RSRP1: variants seen among roughly 807,000 people sequenced by gnomAD.
The protein encoded by RSRP1 is arginine/serine-rich protein 1.
RSRP1 carries 37 observed loss-of-function variants against 33.0 expected under a neutral mutation model. The ratio of observed to expected loss-of-function variants is 1.12; its 90% CI spans 0.86 to 1.48. The LOEUF (loss-of-function observed/expected upper bound fraction) is 1.48. RSRP1 is among the 40% of genes most tolerant of loss of function. The pLI is 0.00. For synonymous variants in RSRP1, 167 were observed against 158.7 expected (o/e 1.05, Z -0.40); for missense variants, 402 against 385.3 (o/e 1.04, Z -0.36).
intron 1 of RSRP1, among the ~76,000 whole-genome samples, chr1:25,279,988 G>A (rs986260128): frequency 2.3e-5 from 3 of 129,244 alleles, no homozygotes; most frequent in African/African-American, 8.1e-5. Flanking sequence ...GCCCTGAAGC[G>A]GGAGCCCAGA....
In RSRP1 at chr1:25,291,245, G is replaced by A. The variant is rs1256418772; in HGVS notation, c.-66-44216C>T. ...GCACTTTGGGAGGCCAAGGAGGGCA[G>A]ATCACCTGAGGTCAGGAGTTCAAGA... On this transcript the variant is annotated intron_variant, in intron 1 of 1. Coordinates refer to the RSRP1 transcript ENST00000561867. 5.3e-5 allele frequency among the ~76,000 whole-genome samples: 7 copies of A among 130,922 alleles called. 2 individuals are homozygous for A. Among genetic ancestry groups the A allele is most frequent in the Admixed American group, 7.4e-5 (1 of 13,488 alleles). The allele number at this position is 130,922 out of a possible 152,430, so 85.9% of individuals were successfully genotyped here.
chr1:25,331,525 G>A (rs1403802836), intron 1 of RSRP1, among the ~76,000 whole-genome samples: 1 of 126,914 alleles, frequency 7.9e-6, no homozygotes, highest in East Asian at 2.0e-4. Flanking sequence ...CGTTTATCCA[G>A]ATTTAGTATC....
intron 1 of RSRP1, chr1:25,301,394 C>T: frequency 1.1e-6 from 1 of 925,902 alleles, no homozygotes; most frequent in Non-Finnish European, 1.7e-6. Context: ...GACGTGACTT[C>T]CCCATCTAAC....
chr1:25,298,848 G>A (rs1371085725), intron 1 of RSRP1, among the ~76,000 whole-genome samples: 3 of 129,884 alleles, frequency 2.3e-5, no homozygotes. Flanking sequence ...AGATAAAAAT[G>A]AAATGGAGAA....
chr1:25,273,849 G>A (rs1194231994), intron 1 of RSRP1, among the ~76,000 whole-genome samples: 3 of 129,154 alleles, frequency 2.3e-5, no homozygotes, highest in African/African-American at 7.9e-5. Flanking sequence ...TGATATGAAC[G>A]GCTAGTTAAC....
In RSRP1 at chr1:25,270,485, G is replaced by A. The variant is rs533344579; in HGVS notation, c.-66-23456C>T. Among the ~76,000 whole-genome samples the A allele has an allele frequency of 3.8e-5, 5 of 131,406 alleles. 2 individuals are homozygous for A. The highest frequency in any genetic ancestry group is 7.4e-5 in the Admixed American group (1 of 13,558). 86.2% of individuals were successfully genotyped at this position (131,406 alleles called of 152,430 possible). A position where few individuals can be genotyped will look rare whatever the true frequency, so the allele number is the denominator to read the frequency against. On this transcript the variant is annotated intron_variant, in intron 1 of 1. Coordinates refer to the RSRP1 transcript ENST00000561867. ...CGCGCATGAGAGGGATCTAGGTTGC[G>A]TGCTCCTTAGGAGAATCTAACTAAT...
chr1:25,244,438 C>A (rs1315918407), intron 3 of RSRP1: 8 of 1,289,256 alleles, frequency 6.2e-6, no homozygotes, highest in Non-Finnish European at 8.1e-6. Flanking sequence ...GATGCTTTAG[C>A]CCATGTATCA....
At chr1:25,283,884 T>C (rs1641719833) in intron 1 of RSRP1, among the ~76,000 whole-genome samples, 1 of 134,092 alleles carries the variant, frequency 7.5e-6, no homozygotes, top group Non-Finnish European at 1.8e-5. Context: ...CCCTCCGCTT[T>C]GCTGGGCCCC....
chr1:25,271,845 C>T (rs1340622669), intron 1 of RSRP1, among the ~76,000 whole-genome samples: 1 of 131,548 alleles, frequency 7.6e-6, no homozygotes, highest in African/African-American at 2.6e-5. Flanking sequence ...CACCCTAAGG[C>T]TGGATCAGGA....
At chr1:25,274,024 T>G (rs971665831) in intron 1 of RSRP1, among the ~76,000 whole-genome samples, 3 of 132,638 alleles carry the variant, frequency 2.3e-5, no homozygotes, top group African/African-American at 7.7e-5. Flanking sequence ...CTAATTCATT[T>G]CAATCCAATA....
chr1:25,242,687 T>C lies in RSRP1; in HGVS notation c.775A>G (p.Ile259Val), dbSNP rs768256535. 18 of 1,607,260 alleles carry C rather than the reference T, an allele frequency of 1.1e-5. No homozygotes were observed. The East Asian group carries it at 4.0e-4, about 36-fold the overall frequency. The change falls in exon 5 of 5, where the codon ATA (isoleucine) becomes GTA (valine). Residue 259 changes from isoleucine to valine, a missense_variant. Ile to Val is a conservative substitution (Grantham distance 29, BLOSUM62 3). Coordinates refer to ENST00000243189, the MANE Select transcript of RSRP1 (RefSeq NM_020317.5). ...GTGGCAGCTTTAGCTGATTTTTGTATTGGCTTTGCTACAGAATTCTGTAAA... is the reference window on the plus strand; with the variant it reads ...GTGGCAGCTTTAGCTGATTTTTGTACTGGCTTTGCTACAGAATTCTGTAAA... ...FSSNNSVAKP[I>V]QKSAKAATEE...
intron 1 of RSRP1, among the ~76,000 whole-genome samples, chr1:25,277,753 C>G (rs1460558659): frequency 8.2e-6 from 1 of 121,682 alleles, no homozygotes; most frequent in East Asian, 2.0e-4. Flanking sequence ...TGGCTCACCG[C>G]AACCTCCACC....
In RSRP1 at chr1:25,314,208, AT is replaced by A. The variant is rs1438368109; in HGVS notation, c.-67+23769del. Among the ~76,000 whole-genome samples, 2 of 133,160 alleles carry A rather than the reference AT, an allele frequency of 1.5e-5. 1 individual carries two copies. Among genetic ancestry groups the A allele is most frequent in the Non-Finnish European group, 3.6e-5 (2 of 56,186 alleles). The allele number at this position is 133,160 out of a possible 152,430, so 87.4% of individuals were successfully genotyped here. ...GCGCCAATCTAATCACCAGTAGTGT[AT>A]AGAAGCTCCTTTTACTCCACATTTT... On this transcript the variant is annotated intron_variant, in intron 1 of 1. Transcript: ENST00000561867.
chr1:25,253,650 G>A (rs942871162), intron 1 of RSRP1: 1 of 152,318 alleles, frequency 6.6e-6, no homozygotes, highest in African/African-American at 2.4e-5. Context: ...GTGAGCCACG[G>A]CGCCCGGCCT....
At chr1:25,245,482 A>C (rs1244631476) in intron 2 of RSRP1, among the ~76,000 whole-genome samples, 181 bp from the exon 3 acceptor site, 2 of 152,126 alleles carry the variant, frequency 1.3e-5, no homozygotes, top group Non-Finnish European at 2.9e-5. Flanking sequence ...TCCACTTTAT[A>C]CTTGTTTTTT....
intron 1 of RSRP1, among the ~76,000 whole-genome samples, chr1:25,298,702 T>A (rs1643134021): frequency 7.6e-6 from 1 of 131,696 alleles, no homozygotes; most frequent in Non-Finnish European, 1.8e-5. Context: ...ATTTATTTGG[T>A]ATTTACTATA....
chr1:25,329,395 C>A (rs544946241), intron 1 of RSRP1: 2 of 289,706 alleles, frequency 6.9e-6, no homozygotes, highest in Non-Finnish European at 1.4e-5. Context: ...CAGGCACCCA[C>A]CACATCTGGC....
rs141866055 is a variant in RSRP1 at position 25,321,202 on chromosome 1, C to T, written c.-67+16776G>A. Among the ~76,000 whole-genome samples the T allele has an allele frequency of 2.2e-3, 285 of 129,672 alleles. 37 individuals carry two copies. Among genetic ancestry groups the T allele is most frequent in the African/African-American group, 7.0e-3 (270 of 38,322 alleles). The allele number at this position is 129,672 out of a possible 152,430, so 85.1% of individuals were successfully genotyped here. ...GCCAGAGAAGACAGACCTATAGGAG[C>T]ACCCAATTGGAGTCACCCTCCATAG... On this transcript the variant is annotated intron_variant, in intron 1 of 1. Coordinates refer to the RSRP1 transcript ENST00000561867.
intron 1 of RSRP1, among the ~76,000 whole-genome samples, chr1:25,276,191 G>C (rs112066422): frequency 7.7e-6 from 1 of 130,514 alleles, no homozygotes; most frequent in Non-Finnish European, 1.8e-5. Context: ...ATGGTGGGTT[G>C]TTTTTGTTTT....
Sources: gnomAD v4.1 joint callset for allele counts (sites outside exome capture counted in the v4.1 genomes callset) on GRCh38, gnomAD v4.1.1 for gene constraint, MANE v1.5 for transcripts, NCBI Gene and HGNC (gene_info 2026-07-23, HGNC 2026-07-21) for gene names.